NBPF12: variants seen among roughly 807,000 people sequenced by gnomAD.
The protein encoded by NBPF12 is NBPF member 12, also known as NBPF family member NBPF12.
In NBPF12, 115 loss-of-function variants were observed where a neutral mutation model predicts 146.4. The ratio of observed to expected loss-of-function variants is 0.79; its 90% CI spans 0.68 to 0.92. The LOEUF is 0.92. Ranked by LOEUF, NBPF12 falls within the 40% of genes least tolerant of loss-of-function variation. The pLI is 0.00. For missense variants in NBPF12, 1,205 were observed against 1,326.8 expected, an observed-to-expected ratio of 0.91 and a Z score of 1.43; for synonymous variants, 385 against 508.9, an observed-to-expected ratio of 0.76 and a Z score of 3.28.
chr1:146,962,989 C>G, intron 5 of NBPF12, 106 bp from the exon 9 acceptor site: 21 of 868,038 alleles, frequency 2.4e-5, no homozygotes, highest in Middle Eastern at 3.4e-4. Flanking sequence ...TGACCTTCTG[C>G]TTGAAGGTCT....
intron 1 of NBPF12, among the ~76,000 whole-genome samples, chr1:146,942,355 T>C (rs1304578991): frequency 5.3e-5 from 8 of 151,024 alleles, no homozygotes; most frequent in African/African-American, 1.7e-4. Context: ...TTACAGCTAT[T>C]ATTTGTAAAT....
intron 2 of NBPF12, among the ~76,000 whole-genome samples, chr1:146,956,127 A>G (rs1316415104): frequency 1.3e-5 from 2 of 151,870 alleles, no homozygotes; most frequent in Non-Finnish European, 2.9e-5. Context: ...ACGCGGAATG[A>G]TAGAAATGTC....
intron 1 of NBPF12, among the ~76,000 whole-genome samples, chr1:146,939,550 G>T (rs1654699780): frequency 6.6e-6 from 1 of 151,958 alleles, no homozygotes; most frequent in Non-Finnish European, 1.5e-5. Flanking sequence ...TTTCTGGTAG[G>T]TTGGACTGTG....
At chr1:146,940,661 G>A (rs1239513853) in intron 1 of NBPF12, among the ~76,000 whole-genome samples, 6 of 151,906 alleles carry the variant, frequency 3.9e-5, no homozygotes, top group African/African-American at 1.5e-4. Context: ...AAGTGGCATT[G>A]TTGGTTTTAG....
At chr1:146,995,513 C>A (rs1553890424) in exon 34 of NBPF12, 1 of 150,540 alleles carries the variant, frequency 6.6e-6, no homozygotes, top group African/African-American at 2.5e-5. Context: ...TATTTTGAAC[C>A]CCAAATATTT....
At position 146,994,555 on chromosome 1, in the gene NBPF12, G is replaced by T; in HGVS notation, c.4354G>T (p.Gly1452Ter). The T allele has an allele frequency of 6.2e-7, 1 of 1,609,406 alleles. No homozygotes were observed. The change falls in exon 34 of 34, where the codon GGA (glycine) becomes TGA (stop). Residue 1452 changes from glycine to a stop codon, truncating the protein, a stop_gained. Transcript: ENST00000617844. LOFTEE classifies it high-confidence loss of function. ...AAGTCTCCACCTGGTCTTCCAGATG[G>T]GAGTCATATTCCCACAATAAGCAGC... is the stretch of plus-strand genomic sequence containing the variant.
intron 17 of NBPF12, 142 bp from the exon 21 acceptor site, chr1:146,977,324 A>G (rs1570877320): frequency 1.2e-5 from 13 of 1,103,102 alleles, no homozygotes; most frequent in Admixed American, 5.9e-5. Flanking sequence ...ACAGGATTGC[A>G]TGTTCCCTCT....
intron 1 of NBPF12, among the ~76,000 whole-genome samples, 148 bp downstream of exon 1, chr1:146,939,160 C>T (rs1211508404): frequency 2.0e-5 from 3 of 151,992 alleles, no homozygotes; most frequent in Non-Finnish European, 2.9e-5. Context: ...GCGCTTGATT[C>T]CTCGCCTGCC....
upstream of NBPF12, among the ~76,000 whole-genome samples, chr1:146,949,150 GGCATGGGTCCTCCGTAT>G (rs1403543715): frequency 6.6e-6 from 1 of 151,984 alleles, no homozygotes; most frequent in Non-Finnish European, 1.5e-5. Flanking sequence ...TGGGTCCTCC[GGCATGGGTCCTCCGTAT>G]GCGTTCAGCA....
Position 146,963,056 on chromosome 1 carries a change from G to T in NBPF12, c.279-39G>T, listed in dbSNP as rs1189584123. On this transcript the variant is annotated intron_variant, in intron 5 of 33. Transcript: ENST00000617844. ...GCAATATTTGAACGGATCACTCAAC[G>T]CTTTTCACTGTTAAATTTTCTCTAC... is the stretch of plus-strand genomic sequence containing the variant. 5 of 1,608,210 alleles carry T rather than the reference G, an allele frequency of 3.1e-6. No homozygotes were observed. In the Admixed American group the frequency reaches 6.7e-5, roughly 21 times the overall value.
At chr1:146,952,404 A>G (rs1468619459) in intron 2 of NBPF12, among the ~76,000 whole-genome samples, 2 of 152,026 alleles carry the variant, frequency 1.3e-5, no homozygotes, top group Non-Finnish European at 2.9e-5. Flanking sequence ...TTCAAAACAT[A>G]ATTGAGCGAG....
At chr1:146,969,794 C>G (rs1357859677) in intron 11 of NBPF12, among the ~76,000 whole-genome samples, 198 bp downstream of exon 14, 1 of 151,202 alleles carries the variant, frequency 6.6e-6, no homozygotes, top group African/African-American at 2.4e-5. Flanking sequence ...TTGCAAGTGT[C>G]CCTCCTTCCT....
At chr1:146,947,001 C>T (rs1458562709), upstream of NBPF12, among the ~76,000 whole-genome samples, 1 of 152,098 alleles carries the variant, frequency 6.6e-6, no homozygotes, top group East Asian at 1.9e-4. Context: ...AGGCCTGCTT[C>T]TGGGCTCCGT....
chr1:146,995,282 C>T (rs1210226625), exon 34 of NBPF12: 2 of 125,492 alleles, frequency 1.6e-5, no homozygotes, highest in Admixed American at 8.4e-5. Context: ...AGGACTCTGC[C>T]GGTGCAGAAT....
At chr1:146,940,237 G>T (rs1654737917) in intron 1 of NBPF12, among the ~76,000 whole-genome samples, 1 of 151,742 alleles carries the variant, frequency 6.6e-6, no homozygotes, top group Non-Finnish European at 1.5e-5. Flanking sequence ...CTAGCTTTAA[G>T]ATTTCTGAGA....
chr1:146,966,377 C>T, intron 8 of NBPF12, 87 bp from the exon 12 acceptor site: 2 of 1,128,560 alleles, frequency 1.8e-6, no homozygotes, highest in East Asian at 4.7e-5. Context: ...GTACACAAGG[C>T]TGCCAGTGAC....
upstream of NBPF12, among the ~76,000 whole-genome samples, chr1:146,947,918 A>G (rs1655144164): frequency 6.6e-6 from 1 of 151,964 alleles, no homozygotes; most frequent in African/African-American, 2.4e-5. Context: ...TGAGCACAAG[A>G]AAAGGAATTT....
Position 146,980,649 on chromosome 1 carries a change from G to T in NBPF12, c.2450+1639G>T, listed in dbSNP as rs1416133479. On this transcript the variant is annotated intron_variant, in intron 19 of 33. Transcript: ENST00000617844. Reference sequence around the variant, plus strand: ...GAATGTTGAAGGTGCTGGAGAGGATGTGGAGAAATCGAACACTTTTACACT... The same window carrying T: ...GAATGTTGAAGGTGCTGGAGAGGATTTGGAGAAATCGAACACTTTTACACT... Among the ~76,000 whole-genome samples the T allele has an allele frequency of 3.2e-3, 490 of 152,140 alleles. 2 individuals carry two copies. The highest frequency in any genetic ancestry group is 4.6e-3 in the Non-Finnish European group (311 of 68,020).
exon 34 of NBPF12, chr1:146,994,783 T>C (rs1658440375): frequency 6.9e-6 from 6 of 864,118 alleles, no homozygotes; most frequent in Admixed American, 2.9e-5. Context: ...CACGTTCACA[T>C]AACTGTGCAG....
Sources: gnomAD v4.1 joint callset for allele counts (sites outside exome capture counted in the v4.1 genomes callset) on GRCh38, gnomAD v4.1.1 for gene constraint, MANE v1.5 for transcripts, NCBI Gene and HGNC (gene_info 2026-07-23, HGNC 2026-07-21) for gene names.